The following VRK2 variants were observed in gnomAD, a reference collection of about 807,000 sequenced individuals.
The protein encoded by VRK2 is VRK serine/threonine kinase 2, also known as serine/threonine-protein kinase VRK2.
Under a neutral mutation model 57.6 loss-of-function variants are expected in VRK2, and 60 were observed. That is an observed-to-expected ratio of 1.04 (90% confidence interval 0.85 to 1.29). The LOEUF is 1.29. Ranked by LOEUF, VRK2 falls within the 50% of genes most tolerant of loss-of-function variation. The pLI is 0.00. For missense variants in VRK2, 705 were observed against 588.1 expected (o/e 1.20, Z -2.06); for synonymous variants, 231 against 199.2 (o/e 1.16, Z -1.35).
intron 7 of VRK2, among the ~76,000 whole-genome samples, chr2:58,095,403 A>G (rs533920192): frequency 6.6e-6 from 1 of 152,124 alleles, no homozygotes; most frequent in African/African-American, 2.4e-5. Context: ...ATGTTCATAT[A>G]TGAACAAGGA....
chr2:58,125,298 A>T (rs1363315439), intron 8 of VRK2, among the ~76,000 whole-genome samples: 1 of 152,032 alleles, frequency 6.6e-6, no homozygotes, highest in Non-Finnish European at 1.5e-5. Context: ...AATCTGAAAG[A>T]CCTATTCAAT....
intron 1 of VRK2, among the ~76,000 whole-genome samples, chr2:57,984,180 T>C (rs1672520550): frequency 6.6e-6 from 1 of 152,196 alleles, no homozygotes; most frequent in African/African-American, 2.4e-5. Flanking sequence ...CTAAATTTAA[T>C]TTTTAGAGCC....
upstream of VRK2, among the ~76,000 whole-genome samples, chr2:58,044,902 T>C (rs189914262): frequency 2.4e-3 from 366 of 152,268 alleles, 2 homozygotes; most frequent in Admixed American, 0.02. Flanking sequence ...TGTTAACTTG[T>C]GTGGGAGGGA....
chr2:58,031,001 C>G (rs1021762465), intron 2 of VRK2, among the ~76,000 whole-genome samples: 1 of 152,010 alleles, frequency 6.6e-6, no homozygotes, highest in Non-Finnish European at 1.5e-5. Flanking sequence ...TTAGATGATT[C>G]CAGCTCCTAG....
At chr2:57,964,474 C>T in intron 1 of VRK2, among the ~76,000 whole-genome samples, 1 of 151,782 alleles carries the variant, frequency 6.6e-6, no homozygotes, top group East Asian at 1.9e-4. Context: ...AGAAGGGAGA[C>T]AGGAAAGGCA....
chr2:57,962,453 A>T (rs1422491454), intron 1 of VRK2, among the ~76,000 whole-genome samples: 3 of 151,958 alleles, frequency 2.0e-5, no homozygotes, highest in Non-Finnish European at 4.4e-5. Context: ...CGGGGTACAT[A>T]TGCAAGTTTG....
intron 1 of VRK2, among the ~76,000 whole-genome samples, chr2:57,986,496 A>C (rs188011845): frequency 1.3e-5 from 2 of 152,296 alleles, no homozygotes; most frequent in East Asian, 3.9e-4. Flanking sequence ...ACATTTGAAG[A>C]CTTATATTAC....
chr2:58,134,617 C>CAAAAAAACAAAACAAAAA (rs774844284), intron 9 of VRK2, among the ~76,000 whole-genome samples: 1 of 73,114 alleles, frequency 1.4e-5, no homozygotes, highest in African/African-American at 4.4e-5. Flanking sequence ...GACTCCGTCT[C>CAAAAAAACAAAACAAAAA]AAAAAAAAAA....
intron 1 of VRK2, among the ~76,000 whole-genome samples, chr2:57,943,997 T>C (rs1485852550): frequency 1.3e-5 from 2 of 152,212 alleles, no homozygotes; most frequent in East Asian, 1.9e-4. Context: ...TTATTTACAA[T>C]GACAGGCACT....
intron 1 of VRK2, among the ~76,000 whole-genome samples, chr2:58,024,643 C>T (rs1673868449): frequency 6.6e-6 from 1 of 152,172 alleles, no homozygotes; most frequent in East Asian, 1.9e-4. Context: ...TTCTAGCCAG[C>T]CTATCCACAG....
chr2:58,071,673 C>A (rs145842428), intron 2 of VRK2, among the ~76,000 whole-genome samples: 1 of 151,810 alleles, frequency 6.6e-6, no homozygotes, highest in African/African-American at 2.4e-5. Flanking sequence ...TTTTGCAGTA[C>A]CACATTTTCT....
At chr2:58,125,222 A>G (rs554347625) in intron 8 of VRK2, among the ~76,000 whole-genome samples, 3 of 152,232 alleles carry the variant, frequency 2.0e-5, no homozygotes, top group Non-Finnish European at 4.4e-5. Flanking sequence ...CTAAGAAATC[A>G]CTGTGATTGT....
chr2:57,976,408 C>G lies in VRK2; in HGVS notation c.-438-49257C>G, dbSNP rs145540139. ...ATAAGTATTCCCTTTGCTCTGTAAC[C>G]TCGCAATCATCTGAATGTCTGTTAT... On this transcript the variant is annotated intron_variant, in intron 1 of 15. Coordinates refer to the VRK2 transcript ENST00000417641. Among the ~76,000 whole-genome samples the G allele has an allele frequency of 1.2e-3, 184 of 152,244 alleles. 1 individual carries two copies. The East Asian group carries it at 0.027, about 22-fold the overall frequency.
intron 1 of VRK2, among the ~76,000 whole-genome samples, chr2:57,928,722 T>C (rs1670622507): frequency 6.6e-6 from 1 of 152,194 alleles, no homozygotes; most frequent in African/African-American, 2.4e-5. Flanking sequence ...AATTTAAGTG[T>C]TATAATCTAT....
chr2:57,974,680 T>C (rs1672194957), intron 1 of VRK2, among the ~76,000 whole-genome samples: 1 of 151,844 alleles, frequency 6.6e-6, no homozygotes. Context: ...TGTACTTCAA[T>C]TATTAAATAG....
chr2:58,046,993 GC>G, intron 1 of VRK2, 125 bp downstream of exon 1: 14 of 984,634 alleles, frequency 1.4e-5, no homozygotes, highest in Non-Finnish European at 1.4e-5. Flanking sequence ...GGCCGTCCCA[GC>G]CCCCGGGCCT....
chr2:58,037,728 A>G (rs775491407), intron 3 of VRK2, among the ~76,000 whole-genome samples: 1 of 152,120 alleles, frequency 6.6e-6, no homozygotes, highest in Non-Finnish European at 1.5e-5. Context: ...CTCCTGCAAT[A>G]TGTCTCCCTT....
intron 1 of VRK2, among the ~76,000 whole-genome samples, chr2:57,926,467 G>GTGTA (rs1473127332): frequency 6.8e-5 from 10 of 147,902 alleles, no homozygotes; most frequent in African/African-American, 2.2e-4. Flanking sequence ...GTGTGTGTGT[G>GTGTA]TATAGTGTAT....
At position 58,048,825 on chromosome 2, in the gene VRK2, A is replaced by AG. The variant is rs1675273783; in HGVS notation, c.-5-1dup. On this transcript the variant is annotated splice_acceptor_variant, in intron 1 of 12. Coordinates refer to ENST00000340157, the MANE Select transcript of VRK2 (RefSeq NM_006296.7). LOFTEE classifies it low-confidence loss of function (5UTR_SPLICE). ...CATTTATCTCACCCCTTCTGCCAAC[A>AG]GAAGTGATGCCACCAAAAAGAAATG... is the stretch of plus-strand genomic sequence containing the variant. The AG allele has an allele frequency of 6.2e-7, 1 of 1,613,228 alleles. No homozygotes were observed.
Sources: gnomAD v4.1 joint callset for allele counts (sites outside exome capture counted in the v4.1 genomes callset) on GRCh38, gnomAD v4.1.1 for gene constraint, MANE v1.5 for transcripts, NCBI Gene and HGNC (gene_info 2026-07-23, HGNC 2026-07-21) for gene names.